EYS: variants seen among roughly 807,000 people sequenced by gnomAD.
EYS encodes EGF-like photoreceptor maintenance factor.
In EYS, 250 loss-of-function variants were observed where a neutral mutation model predicts 282.1. That is an observed-to-expected ratio of 0.89 (90% CI 0.80 to 0.98). The LOEUF (loss-of-function observed/expected upper bound fraction) is 0.98, where lower values mean the gene tolerates loss of function less well. Ranked by LOEUF, EYS falls within the 50% of genes least tolerant of loss-of-function variation. EYS has a pLI of 0.00. For missense variants in EYS, 4,016 were observed against 3,709.0 expected, an observed-to-expected ratio of 1.08 and a Z score of -2.15; for synonymous variants, 1,355 against 1,282.9, an observed-to-expected ratio of 1.06 and a Z score of -1.20.
chr6:64,728,338 A>AT (rs773776385), intron 22 of EYS, among the ~76,000 whole-genome samples: 1 of 151,754 alleles, frequency 6.6e-6, no homozygotes, highest in Non-Finnish European at 1.5e-5. Context: ...CTTTTTATTT[A>AT]TTTTTTATTT....
chr6:64,699,023 G>A (rs145592179), intron 22 of EYS, among the ~76,000 whole-genome samples: 5,672 of 152,170 alleles, frequency 0.037, 155 homozygotes, highest in Non-Finnish European at 0.052. Context: ...ACACATGCAC[G>A]TGAATGTTCA....
At chr6:64,020,631 C>T (rs540545130) in intron 33 of EYS, among the ~76,000 whole-genome samples, 47 of 152,050 alleles carry the variant, frequency 3.1e-4, no homozygotes, top group African/African-American at 1.1e-3. Context: ...CTAAAACATC[C>T]CCACTTGATT....
At chr6:65,562,052 TATA>T (rs1346758454) in intron 2 of EYS, among the ~76,000 whole-genome samples, 1 of 151,538 alleles carries the variant, frequency 6.6e-6, no homozygotes, top group Non-Finnish European at 1.5e-5. Flanking sequence ...AATTTTTGTA[TATA>T]ATAATTACAG....
At chr6:65,349,285 A>T (rs1770512923) in intron 9 of EYS, among the ~76,000 whole-genome samples, 2 of 151,604 alleles carry the variant, frequency 1.3e-5, no homozygotes, top group African/African-American at 4.8e-5. Flanking sequence ...CATTCTATAC[A>T]CCACTTGTCC....
At chr6:64,748,805 C>T (rs1772643222) in intron 22 of EYS, among the ~76,000 whole-genome samples, 1 of 152,214 alleles carries the variant, frequency 6.6e-6, no homozygotes, top group Admixed American at 6.5e-5. Flanking sequence ...CGGAGTCTCA[C>T]TCTGTTGCCC....
intron 14 of EYS, among the ~76,000 whole-genome samples, chr6:64,992,341 A>G (rs79227111): frequency 0.015 from 2,204 of 151,926 alleles, 30 homozygotes; most frequent in Non-Finnish European, 0.023. Context: ...AATTCATGTC[A>G]AAGCTAGACA....
intron 12 of EYS, among the ~76,000 whole-genome samples, chr6:65,172,997 T>G (rs1765141276): frequency 6.7e-6 from 1 of 150,022 alleles, no homozygotes. Flanking sequence ...AAAAAAAAAC[T>G]TAGAGCCTTA....
rs3124990 is a variant in EYS, at chr6:64,139,866, G to A, written c.6425-57864C>T. Among the ~76,000 whole-genome samples the A allele has an allele frequency of 9.4e-3, 1,425 of 152,000 alleles. 19 individuals are homozygous for A. Among genetic ancestry groups the A allele is most frequent in the African/African-American group, 0.033 (1,362 of 41,456 alleles). On this transcript the variant is annotated intron_variant, in intron 31 of 42. Transcript: ENST00000503581. ...CGCCTGTAATCCTAGCTACTTGGGA[G>A]GCTGAGGCAGAGAATTGCTTGAACC...
intron 29 of EYS, among the ~76,000 whole-genome samples, chr6:64,342,698 C>A (rs1339282272): frequency 1.3e-5 from 2 of 151,980 alleles, no homozygotes; most frequent in Non-Finnish European, 1.5e-5. Context: ...ATGACAGGAT[C>A]AAATTCACAC....
rs1367986645 is a variant in EYS at position 65,038,199 on chromosome 6, TAC to T, written c.2137+19413_2137+19414del. Among the ~76,000 whole-genome samples, 7 of 151,716 alleles carry T rather than the reference TAC, an allele frequency of 4.6e-5. No individual in the cohort carries two copies. The East Asian group carries it at 5.8e-4, about 13-fold the overall frequency. On this transcript the variant is annotated intron_variant, in intron 13 of 42. Coordinates refer to ENST00000503581, the MANE Select transcript of EYS (RefSeq NM_001142800.2). ...AGATTAGATGGGTTTTAAAAATGCA[TAC>T]AGTTTTAAAACTCACATTTTTTAAA...
intron 14 of EYS, among the ~76,000 whole-genome samples, chr6:64,988,689 C>A (rs1259669713): frequency 6.6e-6 from 1 of 151,496 alleles, no homozygotes; most frequent in African/African-American, 2.4e-5. Flanking sequence ...AAAGAATTGA[C>A]ATTAGTGGTT....
chr6:63,766,770 C>A (rs1004809910), intron 40 of EYS, among the ~76,000 whole-genome samples: 6 of 151,890 alleles, frequency 4.0e-5, no homozygotes, highest in Non-Finnish European at 2.9e-5. Flanking sequence ...ACCTTTTAGT[C>A]ACCATTTTAT....
At chr6:63,803,442 T>C (rs1377834725) in intron 37 of EYS, among the ~76,000 whole-genome samples, 1 of 152,058 alleles carries the variant, frequency 6.6e-6, no homozygotes, top group African/African-American at 2.4e-5. Flanking sequence ...TTTCTATAAG[T>C]GAGAAGAGAA....
chr6:65,074,018 C>T (rs1197657952), intron 12 of EYS, among the ~76,000 whole-genome samples: 2 of 151,920 alleles, frequency 1.3e-5, no homozygotes, highest in East Asian at 1.9e-4. Context: ...GGGTGAAGTT[C>T]GACTTCTTCC....
At chr6:64,094,126 G>A (rs540584947) in intron 31 of EYS, among the ~76,000 whole-genome samples, 40 of 152,132 alleles carry the variant, frequency 2.6e-4, no homozygotes, top group East Asian at 1.4e-3. Context: ...TGGTGGATAA[G>A]CTTTTTGATG....
intron 16 of EYS, among the ~76,000 whole-genome samples, chr6:64,912,032 T>C (rs771779062): frequency 3.3e-5 from 5 of 152,156 alleles, no homozygotes; most frequent in Non-Finnish European, 7.4e-5. Context: ...ACCAAAGTTA[T>C]GTGATTGTAA....
At chr6:65,163,098 A>T (rs73439499) in intron 12 of EYS, among the ~76,000 whole-genome samples, 20,869 of 151,160 alleles carry the variant, frequency 0.14, 2,073 homozygotes, top group African/African-American at 0.28. Context: ...AAGTTCTCAT[A>T]GCCATGTCCC....
At chr6:64,565,033 G>T (rs1454257963) in intron 26 of EYS, among the ~76,000 whole-genome samples, 2 of 151,944 alleles carry the variant, frequency 1.3e-5, no homozygotes, top group East Asian at 3.9e-4. Context: ...TGATTTATTT[G>T]ACTTTCTTAT....
At chr6:63,895,914 T>G (rs1431650105) in intron 35 of EYS, among the ~76,000 whole-genome samples, 3 of 63,550 alleles carry the variant, frequency 4.7e-5, no homozygotes, top group African/African-American at 2.6e-4. Flanking sequence ...TGTTTTTTTT[T>G]TTTTTTTTTT....
Sources: allele counts gnomAD v4.1 joint callset (sites outside exome capture counted in the v4.1 genomes callset), GRCh38; gene constraint gnomAD v4.1.1; transcripts MANE v1.5; gene names NCBI Gene and HGNC (gene_info 2026-07-23, HGNC 2026-07-21).